The following NAALADL2 variants were observed in gnomAD, a reference collection of about 807,000 sequenced individuals.
The protein encoded by NAALADL2 is N-acetylated alpha-linked acidic dipeptidase like 2.
NAALADL2 carries 76 observed loss-of-function variants against 87.2 expected under a neutral mutation model. The observed-to-expected ratio is 0.87, with a 90% CI of 0.72 to 1.05. The LOEUF (loss-of-function observed/expected upper bound fraction) is 1.05. Ranked by LOEUF, NAALADL2 falls within the 50% of genes least tolerant of loss-of-function variation. NAALADL2 has a pLI of 0.00. For missense variants in NAALADL2, 1,089 were observed against 945.8 expected (o/e 1.15, Z -1.99); for synonymous variants, 354 against 331.0 (o/e 1.07, Z -0.75).
chr3:175,261,363 AG>A, intron 4 of NAALADL2, among the ~76,000 whole-genome samples: 1 of 152,260 alleles, frequency 6.6e-6, no homozygotes, highest in Non-Finnish European at 1.5e-5. Flanking sequence ...AATAACAAAA[AG>A]TTACTGTGTA....
chr3:175,798,118 C>T (rs1302827412), intron 13 of NAALADL2, among the ~76,000 whole-genome samples: 3 of 151,928 alleles, frequency 2.0e-5, no homozygotes, highest in African/African-American at 7.2e-5. Flanking sequence ...AAAAGATGAG[C>T]TAATTCTGAA....
chr3:175,403,122 G>A (rs1165582218), intron 5 of NAALADL2, among the ~76,000 whole-genome samples: 1 of 151,994 alleles, frequency 6.6e-6, no homozygotes, highest in African/African-American at 2.4e-5. Context: ...ATAAGCAGAG[G>A]TTTGGTGTGA....
At chr3:175,106,532 C>T (rs938411553) in intron 2 of NAALADL2, among the ~76,000 whole-genome samples, 4 of 152,014 alleles carry the variant, frequency 2.6e-5, no homozygotes, top group African/African-American at 4.8e-5. Flanking sequence ...AGTTGTAGTA[C>T]AAGGGAATAA....
Position 175,802,854 on chromosome 3 carries a change from T to C in NAALADL2, c.2190-151T>C, listed in dbSNP as rs1160238273. On this transcript the variant is annotated intron_variant, in intron 13 of 13. Transcript: ENST00000454872. ...GGTGATCAATGTCTAAATTTGTTAA[T>C]TCATTAGGAGTTGAAAAATCGTGAT... is the stretch of plus-strand genomic sequence containing the variant. 3 of 571,416 alleles carry C rather than the reference T, an allele frequency of 5.3e-6. No individual in the cohort carries two copies. The Admixed American group carries it at 9.6e-5, about 18-fold the overall frequency. The allele number at this position is 571,416 out of a possible 1,614,324, so 35.4% of individuals were successfully genotyped here.
chr3:174,607,922 C>T (rs1719307293), intron 2 of NAALADL2, among the ~76,000 whole-genome samples: 1 of 151,944 alleles, frequency 6.6e-6, no homozygotes. Context: ...GGAAGTAAAG[C>T]TCTCCTCAGC....
Position 175,177,836 on chromosome 3 carries a change from A to AGTGTGT in NAALADL2, c.546-56090_546-56085dup, listed in dbSNP as rs1246314843. ...TGATTTGCCCAGTGAGGTAGGGTAC[A>AGTGTGT]GTGTGTGTGTATGTGTGTGTGTGTG... On this transcript the variant is annotated intron_variant, in intron 2 of 13. Coordinates refer to ENST00000454872, the MANE Select transcript of NAALADL2 (RefSeq NM_207015.3). 5.3e-3 allele frequency among the ~76,000 whole-genome samples: 473 copies of AGTGTGT among 88,780 alleles called. 1 individual carries two copies. Among genetic ancestry groups the AGTGTGT allele is most frequent in the Non-Finnish European group, 0.01 (378 of 37,322 alleles). 58.2% of individuals were successfully genotyped at this position (88,780 alleles called of 152,430 possible). A position where few individuals can be genotyped will look rare whatever the true frequency, so the allele number is the denominator to read the frequency against.
In NAALADL2 at chr3:174,590,406, A is replaced by C. The variant is rs145551556; in HGVS notation, c.-115+39769A>C. On this transcript the variant is annotated intron_variant, in intron 2 of 3. Transcript: ENST00000434257. ...AAGATACTGTATAAGGCTTGCATGG[A>C]TTTTTTTTGACTTAGAGTAAAATTA... 5.1e-4 allele frequency among the ~76,000 whole-genome samples: 78 copies of C among 152,024 alleles called. No homozygotes were observed. In the East Asian group the frequency reaches 0.014, roughly 28 times the overall value.
intron 11 of NAALADL2, chr3:175,655,685 C>T (rs2149798256): frequency 7.0e-6 from 1 of 143,834 alleles, no homozygotes; most frequent in Non-Finnish European, 1.5e-5. Context: ...TGCACTTGTA[C>T]TTAAAAAAAT....
chr3:175,533,906 G>T (rs1056014173), intron 9 of NAALADL2, among the ~76,000 whole-genome samples: 2 of 152,024 alleles, frequency 1.3e-5, no homozygotes, highest in African/African-American at 2.4e-5. Context: ...CTGAGCTTAA[G>T]AGCAACCAAC....
In NAALADL2 at chr3:174,917,581, A is replaced by G. The variant is rs1734581771; in HGVS notation, c.43+58131A>G. ...CCTGTAGCACAAAAGAACCTTGGTTAGAGACACACTATTATCTTGCCCATT... is the reference window on the plus strand; with the variant it reads ...CCTGTAGCACAAAAGAACCTTGGTTGGAGACACACTATTATCTTGCCCATT... On this transcript the variant is annotated intron_variant, in intron 1 of 13. Transcript: ENST00000454872. 2.0e-5 allele frequency among the ~76,000 whole-genome samples: 3 copies of G among 152,272 alleles called. No homozygotes were observed. In the South Asian group the frequency reaches 6.2e-4, roughly 32 times the overall value.
intron 1 of NAALADL2, among the ~76,000 whole-genome samples, chr3:174,947,621 T>C (rs914137406): frequency 3.9e-5 from 6 of 152,064 alleles, no homozygotes; most frequent in African/African-American, 1.2e-4. Flanking sequence ...TTATTATTCT[T>C]GGGAAAAAAA....
intron 3 of NAALADL2, among the ~76,000 whole-genome samples, chr3:174,743,216 C>A (rs893981240): frequency 2.0e-5 from 3 of 151,770 alleles, no homozygotes; most frequent in Non-Finnish European, 4.4e-5. Context: ...TTTATATCTA[C>A]AGGCTTCTTT....
intron 2 of NAALADL2, among the ~76,000 whole-genome samples, chr3:175,179,894 T>C (rs1736211313): frequency 6.6e-6 from 1 of 152,060 alleles, no homozygotes; most frequent in Non-Finnish European, 1.5e-5. Context: ...CTGACAATCA[T>C]TGTGTCACAT....
chr3:174,970,955 G>A (rs1743544000), intron 1 of NAALADL2, among the ~76,000 whole-genome samples: 1 of 152,164 alleles, frequency 6.6e-6, no homozygotes. Flanking sequence ...AGACTGGAAA[G>A]AAAAAGAGGT....
chr3:175,574,868 C>T (rs1263062819), intron 9 of NAALADL2, among the ~76,000 whole-genome samples: 1 of 152,042 alleles, frequency 6.6e-6, no homozygotes, highest in Non-Finnish European at 1.5e-5. Context: ...TGAGTACATA[C>T]TTTATGCGCT....
At chr3:175,767,172 T>C (rs142601585) in intron 13 of NAALADL2, among the ~76,000 whole-genome samples, 2 of 152,054 alleles carry the variant, frequency 1.3e-5, no homozygotes, top group East Asian at 3.9e-4. Flanking sequence ...TTAACCAGTC[T>C]GCTTGCTAAA....
chr3:174,640,245 A>T (rs9850204), intron 2 of NAALADL2, among the ~76,000 whole-genome samples: 32,945 of 152,078 alleles, frequency 0.22, 4,194 homozygotes, highest in African/African-American at 0.34. Flanking sequence ...ATGTAGGCAA[A>T]TGTTTGCTGC....
rs113985547 is a variant in NAALADL2 at position 175,716,993 on chromosome 3, G to T, written c.1897-20313G>T. 1.2e-3 allele frequency among the ~76,000 whole-genome samples: 190 copies of T among 152,264 alleles called. 1 individual carries two copies. The highest frequency in any genetic ancestry group is 4.4e-3 in the African/African-American group (183 of 41,552). ...GAATGAATAATACCAAACCTGAGCT[G>T]TAATTTACTAATCTGGTGCTACAGT... On this transcript the variant is annotated intron_variant, in intron 11 of 13. Transcript: ENST00000454872.
At chr3:174,781,129 G>A (rs1218350688) in intron 3 of NAALADL2, among the ~76,000 whole-genome samples, 1 of 151,970 alleles carries the variant, frequency 6.6e-6, no homozygotes, top group Non-Finnish European at 1.5e-5. Flanking sequence ...TGGCTTGTAG[G>A]GTTTCTGCAG....
Sources: allele counts gnomAD v4.1 joint callset (sites outside exome capture counted in the v4.1 genomes callset), GRCh38; gene constraint gnomAD v4.1.1; transcripts MANE v1.5; gene names NCBI Gene and HGNC (gene_info 2026-07-23, HGNC 2026-07-21).